TBL1X: variants seen among roughly 807,000 people sequenced by gnomAD.
TBL1X encodes the protein F-box-like/WD repeat-containing protein TBL1X.
In TBL1X, 10 loss-of-function variants were observed where a neutral mutation model predicts 50.7. The observed-to-expected ratio is 0.20, with a 90% CI of 0.12 to 0.33. The LOEUF is 0.33. Ranked by LOEUF, TBL1X falls within the 10% of genes least tolerant of loss-of-function variation. The probability of loss-of-function intolerance (pLI) is 1.00; values close to 1 mark genes in which losing one functional copy is unlikely to be tolerated. For missense variants in TBL1X, 340 were observed against 504.4 expected, an observed-to-expected ratio of 0.67 and a Z score of 3.12; for synonymous variants, 190 against 214.7, an observed-to-expected ratio of 0.88 and a Z score of 1.01.
rs149806274 is a variant in TBL1X, at chrX:9,536,544, C to G, written c.-131+34695C>G. On this transcript the variant is annotated intron_variant, in intron 2 of 17. Transcript: ENST00000645353. ...GGATTACAGGAGTGAGCCATTGTGCCTGGCCAAAATTGAGCACTTTTATCA... is the reference window on the plus strand; with the variant it reads ...GGATTACAGGAGTGAGCCATTGTGCGTGGCCAAAATTGAGCACTTTTATCA... 5.1e-3 allele frequency among the ~76,000 whole-genome samples: 572 copies of G among 111,644 alleles called. 3 individuals carry two copies. The highest frequency in any genetic ancestry group is 8.1e-3 in the Non-Finnish European group (429 of 53,107).
intron 5 of TBL1X, among the ~76,000 whole-genome samples, chrX:9,665,539 A>G (rs1198062128): frequency 1.6e-5 from 1 of 62,898 alleles, no homozygotes; most frequent in East Asian, 6.3e-4. Flanking sequence ...ATATATATAT[A>G]AAAGGCCTTG....
chrX:9,568,478 A>G (rs1190291279), intron 2 of TBL1X, among the ~76,000 whole-genome samples: 1 of 103,735 alleles, frequency 9.6e-6, no homozygotes, highest in Non-Finnish European at 2.0e-5. Flanking sequence ...TGTCGTGTCT[A>G]TCTGCACCGT....
intron 2 of TBL1X, among the ~76,000 whole-genome samples, chrX:9,587,960 G>A (rs2082479716): frequency 9.0e-6 from 1 of 111,363 alleles, no homozygotes; most frequent in Admixed American, 9.6e-5. Context: ...GTGGTAGCAC[G>A]TGCCAGACAT....
Position 9,697,375 on chromosome X carries a change from A to AT in TBL1X, c.1061dup (p.Ile355AsnfsTer22). 1 of 1,211,062 alleles carries AT rather than the reference A, an allele frequency of 8.3e-7. No homozygotes were observed. Among genetic ancestry groups the AT allele is most frequent in the Non-Finnish European group, 1.1e-6 (1 of 895,534 alleles). ...CTTTGTTTGCGGAACACAGACAACA[A>AT]TAATTTGGGATGCCCACACAGGAGA... is the stretch of plus-strand genomic sequence containing the variant. On this transcript the variant is annotated frameshift_variant, in exon 12 of 18. Coordinates refer to ENST00000645353, the MANE Select transcript of TBL1X (RefSeq NM_005647.4). LOFTEE classifies it high-confidence loss of function.
At chrX:9,492,838 GGTGTGTGTGTGTGTGTGTGTGT>G (rs774050435) in intron 1 of TBL1X, among the ~76,000 whole-genome samples, 6 of 56,969 alleles carry the variant, frequency 1.1e-4, no homozygotes, top group Admixed American at 6.5e-4. Flanking sequence ...GGGGCTAGAG[GGTGTGTGTGTGTGTGTGTGTGT>G]GTGTGTGTGT....
intron 2 of TBL1X, among the ~76,000 whole-genome samples, chrX:9,588,154 T>C (rs150145306): frequency 0.026 from 2,956 of 112,093 alleles, 34 homozygotes; most frequent in Middle Eastern, 0.042. Flanking sequence ...TTACATGACA[T>C]TGACATTGTA....
At chrX:9,615,669 G>A (rs1178394495) in intron 2 of TBL1X, among the ~76,000 whole-genome samples, 1 of 112,326 alleles carries the variant, frequency 8.9e-6, no homozygotes, top group Non-Finnish European at 1.9e-5. Flanking sequence ...ATGGGACTAT[G>A]AACTGTGTTT....
chrX:9,542,893 T>A (rs2082222286), intron 2 of TBL1X, among the ~76,000 whole-genome samples: 2 of 112,209 alleles, frequency 1.8e-5, no homozygotes, highest in South Asian at 7.4e-4. Flanking sequence ...GATCCCTGGG[T>A]GCTGCAGAGA....
intron 13 of TBL1X, among the ~76,000 whole-genome samples, chrX:9,706,911 C>T (rs959210441): frequency 1.1e-4 from 12 of 111,417 alleles, no homozygotes; most frequent in Admixed American, 1.9e-4. Flanking sequence ...GTCTCCAGGC[C>T]CATTCACGTA....
chrX:9,600,360 C>T (rs1460758371), intron 2 of TBL1X, among the ~76,000 whole-genome samples: 1 of 103,022 alleles, frequency 9.7e-6, no homozygotes, highest in African/African-American at 3.6e-5. Context: ...TGATAAGGCA[C>T]TAATCCCATT....
chrX:9,605,006 T>G (rs2082576035), intron 2 of TBL1X, among the ~76,000 whole-genome samples: 1 of 110,609 alleles, frequency 9.0e-6, no homozygotes, highest in Non-Finnish European at 1.9e-5. Flanking sequence ...CAAGCAAACA[T>G]CCACTCAGAA....
chrX:9,653,343 G>A (rs773814770), intron 3 of TBL1X, among the ~76,000 whole-genome samples: 14 of 112,397 alleles, frequency 1.2e-4, no homozygotes, highest in Admixed American at 4.7e-4. Context: ...GTGTCTAACC[G>A]GGTGGTGTCT....
chrX:9,549,671 CAAAAG>C (rs757153380), intron 2 of TBL1X, among the ~76,000 whole-genome samples: 129 of 111,770 alleles, frequency 1.2e-3, no homozygotes, highest in African/African-American at 4.0e-3. Flanking sequence ...TTTAATGACT[CAAAAG>C]AAAGGGCGCT....
chrX:9,703,010 C>T (rs1323258321), intron 12 of TBL1X, among the ~76,000 whole-genome samples: 1 of 111,586 alleles, frequency 9.0e-6, no homozygotes, highest in Admixed American at 9.5e-5. Flanking sequence ...GGCATTACCC[C>T]CTTAAATTAG....
intron 1 of TBL1X, among the ~76,000 whole-genome samples, chrX:9,466,167 T>C (rs1180780567): frequency 9.3e-6 from 1 of 107,059 alleles, no homozygotes; most frequent in Non-Finnish European, 2.0e-5. Context: ...GCTCCTGGGC[T>C]CTGACGGGGC....
chrX:9,555,121 G>C (rs1239656700), intron 2 of TBL1X, among the ~76,000 whole-genome samples: 4 of 111,314 alleles, frequency 3.6e-5, no homozygotes, highest in East Asian at 5.6e-4. Context: ...TGTTGCCCGG[G>C]CTGGAATGTA....
intron 2 of TBL1X, among the ~76,000 whole-genome samples, chrX:9,622,860 T>C (rs943088377): frequency 2.7e-5 from 3 of 111,939 alleles, no homozygotes; most frequent in African/African-American, 9.8e-5. Flanking sequence ...AGCATGTTGT[T>C]TATCCACTCA....
chrX:9,543,290 G>A (rs181130541), intron 2 of TBL1X, among the ~76,000 whole-genome samples: 45 of 112,033 alleles, frequency 4.0e-4, no homozygotes, highest in South Asian at 3.4e-3. Flanking sequence ...TCTAGGGGAA[G>A]GAACGGGAAA....
At chrX:9,671,667 A>G (rs757303629) in intron 5 of TBL1X, among the ~76,000 whole-genome samples, 20 of 112,838 alleles carry the variant, frequency 1.8e-4, no homozygotes, top group Non-Finnish European at 3.4e-4. Flanking sequence ...GGCATGAACA[A>G]TTGATCCTCC....
Sources: gnomAD v4.1 joint callset for allele counts (sites outside exome capture counted in the v4.1 genomes callset) on GRCh38, gnomAD v4.1.1 for gene constraint, MANE v1.5 for transcripts, NCBI Gene and HGNC (gene_info 2026-07-23, HGNC 2026-07-21) for gene names.